The following MSH5 variants were observed in gnomAD, a reference collection of about 807,000 sequenced individuals.
MSH5 encodes mutS protein homolog 5.
In MSH5, 78 loss-of-function variants were observed where a neutral mutation model predicts 107.7. The ratio of observed to expected loss-of-function variants is 0.72; its 90% CI spans 0.60 to 0.87. MSH5 has a LOEUF of 0.87. Ranked by LOEUF, MSH5 falls within the 40% of genes least tolerant of loss-of-function variation. The pLI, the probability that MSH5 is intolerant of heterozygous loss-of-function variation, is 0.00. For missense variants in MSH5, 889 were observed against 1,046.6 expected, an observed-to-expected ratio of 0.85 and a Z score of 2.08; for synonymous variants, 326 against 399.5, an observed-to-expected ratio of 0.82 and a Z score of 2.19.
At chr6:31,743,584 A>G (rs1305702266) in intron 5 of MSH5, 3 of 454,406 alleles carry the variant, frequency 6.6e-6, no homozygotes, top group African/African-American at 2.0e-5. Context: ...CTAATTAGAT[A>G]TTAAGGCATT....
chr6:31,760,116 G>C lies in MSH5; in HGVS notation c.1712G>C (p.Arg571Pro). ...CATCCTCTGATGGAACTCTGTGCCCGAACCTTTGTGCCCAACTCCACAGAA... is the reference window on the plus strand; with the variant it reads ...CATCCTCTGATGGAACTCTGTGCCCCAACCTTTGTGCCCAACTCCACAGAA... Reference protein sequence around the residue: ...GRHPLMELCARTFVPNSTECG... With the variant: ...GRHPLMELCAPTFVPNSTECG... The change falls in exon 19 of 25, where the codon CGA becomes CCA. Residue 571 changes from arginine to proline, a missense_variant. Arg to Pro is a moderately radical substitution (Grantham distance 103, BLOSUM62 -2). Transcript: ENST00000375750. This position sits in a 1 kb window ranked among gnomAD's most constrained non-coding sequence, Gnocchi z 5.6. The C allele has an allele frequency of 6.2e-7, 1 of 1,606,176 alleles. No individual in the cohort carries two copies. Among genetic ancestry groups the C allele is most frequent in the Non-Finnish European group, 8.5e-7 (1 of 1,176,118 alleles).
chr6:31,744,696 C>A, intron 8 of MSH5, 115 bp downstream of exon 8: 1 of 1,152,002 alleles, frequency 8.7e-7, no homozygotes. Flanking sequence ...TAAGATCTCT[C>A]TCCTTGAAGG....
intron 3 of MSH5, among the ~76,000 whole-genome samples, chr6:31,741,795 T>C (rs1808938300): frequency 6.6e-6 from 1 of 151,732 alleles, no homozygotes; most frequent in African/African-American, 2.4e-5. Context: ...ATTTGGCTTA[T>C]GGTTCTGGAT....
At chr6:31,748,741 TATA>T (rs1809691550) in intron 10 of MSH5, among the ~76,000 whole-genome samples, 2 of 152,052 alleles carry the variant, frequency 1.3e-5, no homozygotes, top group African/African-American at 4.8e-5. Flanking sequence ...TCTTAAGCAG[TATA>T]ATGATGTTCA....
In MSH5 at chr6:31,758,268, A is replaced by G; in HGVS notation, c.1118A>G (p.His373Arg). 6.2e-7 allele frequency: 1 copy of G among 1,613,034 alleles called. No individual in the cohort carries two copies. The highest frequency in any genetic ancestry group is 8.5e-7 in the Non-Finnish European group (1 of 1,180,032). Residue 373 changes from histidine to arginine, a missense_variant, in exon 13 of 25, where the codon CAT becomes CGT. By Grantham distance (29) the His-to-Arg change is conservative. Transcript: ENST00000375750. The surrounding 1 kb of genome is among the most constrained non-coding windows in gnomAD (Gnocchi z 5.1). ...CAAGAGTTCTCTGATGACCTGCACC[A>G]TATCGCCAGCCTCATTGGGAAAGTA... ...IAQEFSDDLH[H>R]IASLIGKVVD...
chr6:31,746,609 C>T (rs1809488169), intron 9 of MSH5, among the ~76,000 whole-genome samples: 1 of 151,682 alleles, frequency 6.6e-6, no homozygotes, highest in Admixed American at 6.6e-5. Flanking sequence ...CCACCATGCC[C>T]AGCTAATTTT....
intron 10 of MSH5, among the ~76,000 whole-genome samples, chr6:31,748,576 T>TG (rs994392994): frequency 5.9e-5 from 9 of 151,852 alleles, no homozygotes; most frequent in Non-Finnish European, 1.3e-4. Context: ...CTCGAACTCC[T>TG]GGTGATCCGC....
At chr6:31,745,587 T>C (rs554883031) in intron 9 of MSH5, among the ~76,000 whole-genome samples, 3 of 152,226 alleles carry the variant, frequency 2.0e-5, no homozygotes, top group African/African-American at 7.2e-5. Context: ...ATGTTTCTAC[T>C]AGTTGGGTAC....
At chr6:31,753,733 C>T (rs1581542319) in intron 12 of MSH5, 104 bp downstream of exon 12, 36 of 860,032 alleles carry the variant, frequency 4.2e-5, no homozygotes, top group South Asian at 4.9e-5. Context: ...ATTCTACCCT[C>T]TTTTTTTTTT....
chr6:31,750,861 A>C (rs1809889423), intron 10 of MSH5, among the ~76,000 whole-genome samples: 1 of 152,216 alleles, frequency 6.6e-6, no homozygotes. Context: ...TGGCATCCTT[A>C]GTACTTGTTC....
Position 31,762,197 on chromosome 6 carries a change from G to GC in MSH5, c.2393+16dup. 1 of 1,613,730 alleles carries GC rather than the reference G, an allele frequency of 6.2e-7. No homozygotes were observed. Among genetic ancestry groups the GC allele is most frequent in the South Asian group, 1.1e-5 (1 of 91,070 alleles). On this transcript the variant is annotated intron_variant, in intron 24 of 24. Coordinates refer to ENST00000375750, the MANE Select transcript of MSH5 (RefSeq NM_172166.4). ...AACCAAATGGAAAAGTGCGTATATG[G>GC]CCCCAGTGTCTTTACCCTCTCTGCA...
rs1315794065 is a variant in MSH5, at chr6:31,762,532, G to C, written c.*1G>C. The C allele has an allele frequency of 6.2e-6, 10 of 1,609,300 alleles. No individual in the cohort carries two copies. In the Admixed American group the frequency reaches 1.7e-4, roughly 27 times the overall value. Reference sequence around the variant, plus strand: ...GCCTGCTGCCACCAGCATCCTCTGAGAGTCCTTCCAGTGTCCTCCCCAGCC... The same window carrying C: ...GCCTGCTGCCACCAGCATCCTCTGACAGTCCTTCCAGTGTCCTCCCCAGCC... On this transcript the variant is annotated 3_prime_UTR_variant, in exon 25 of 25. Transcript: ENST00000375750.
At position 31,761,403 on chromosome 6, in the gene MSH5, G is replaced by A; in HGVS notation, c.2038-69G>A. On this transcript the variant is annotated intron_variant, in intron 21 of 24. Coordinates refer to ENST00000375750, the MANE Select transcript of MSH5 (RefSeq NM_172166.4). This position sits in a 1 kb window ranked among gnomAD's most constrained non-coding sequence, Gnocchi z 5.3. ...GAAATAGAACACGAGACAGGGAAAG[G>A]CAGTGCAAGTGCAGAGGGGCATATG... is the stretch of plus-strand genomic sequence containing the variant. 6.2e-7 allele frequency: 1 copy of A among 1,606,246 alleles called. No individual in the cohort carries two copies. Among genetic ancestry groups the A allele is most frequent in the Non-Finnish European group, 8.5e-7 (1 of 1,175,810 alleles).
rs936923027 is a variant in MSH5, at chr6:31,759,500, T to C, written c.1483T>C (p.Cys495Arg). Residue 495 changes from cysteine to arginine, a missense_variant, in exon 17 of 25, where the codon TGC becomes CGC. Around this residue, in one of 3 missense-constraint regions of MSH5, gnomAD observed 362 missense variants for 456.2 expected, o/e 0.79. Transcript: ENST00000375750. This position sits in a 1 kb window ranked among gnomAD's most constrained non-coding sequence, Gnocchi z 4.7. ...ELDALLGDLHCEIRDQETLLM... is the reference protein window; with the variant it reads ...ELDALLGDLHREIRDQETLLM... ...GGATGCATTGCTGGGGGACCTGCAC[T>C]GCGAGATCCGGGGTGAGGAAAAGCC... The C allele has an allele frequency of 6.2e-7, 1 of 1,612,582 alleles. No homozygotes were observed. Among genetic ancestry groups the C allele is most frequent in the Non-Finnish European group, 8.5e-7 (1 of 1,179,976 alleles).
intron 5 of MSH5, 25 bp from the exon 6 acceptor site, chr6:31,743,879 C>G (rs1464504612): frequency 2.5e-6 from 4 of 1,611,376 alleles, no homozygotes; most frequent in Non-Finnish European, 3.4e-6. Flanking sequence ...CAAGACCGTT[C>G]CCTTTGCTTG....
chr6:31,741,308 C>T, intron 3 of MSH5, 22 bp downstream of exon 3: 3 of 1,582,684 alleles, frequency 1.9e-6, no homozygotes, highest in Non-Finnish European at 2.6e-6. Flanking sequence ...ACCATGAATT[C>T]CTCTGCTCTC....
At chr6:31,750,159 G>A (rs2151355043) in intron 10 of MSH5, among the ~76,000 whole-genome samples, 1 of 152,246 alleles carries the variant, frequency 6.6e-6, no homozygotes, top group Middle Eastern at 3.4e-3. Context: ...CATATAACTT[G>A]AAGAATCATC....
In MSH5 at chr6:31,758,953, A is replaced by G. The variant is rs1810708885; in HGVS notation, c.1326+78A>G. On this transcript the variant is annotated intron_variant, in intron 15 of 24. Transcript: ENST00000375750. The surrounding 1 kb of genome is among the most constrained non-coding windows in gnomAD (Gnocchi z 5.1). ...AGGCTTATGAAAGACATACTGGTAGATAAGAAAACTTGTGGGGCAGCCTGA... is the reference window on the plus strand; with the variant it reads ...AGGCTTATGAAAGACATACTGGTAGGTAAGAAAACTTGTGGGGCAGCCTGA... 3 of 1,453,970 alleles carry G rather than the reference A, an allele frequency of 2.1e-6. No individual in the cohort carries two copies. Among genetic ancestry groups the G allele is most frequent in the Non-Finnish European group, 2.9e-6 (3 of 1,036,578 alleles). The allele number at this position is 1,453,970 out of a possible 1,614,324, so 90.1% of individuals were successfully genotyped here.
chr6:31,761,921 G>A lies in MSH5; in HGVS notation c.2285G>A (p.Gly762Glu), dbSNP rs1268689405. 1 of 1,613,832 alleles carries A rather than the reference G, an allele frequency of 6.2e-7. No individual in the cohort carries two copies. The highest frequency in any genetic ancestry group is 1.1e-5 in the South Asian group (1 of 91,092). The change falls in exon 23 of 25, where the codon GGG becomes GAG. Residue 762 changes from glycine to glutamate, a missense_variant. Physicochemically the swap from Gly to Glu is moderately conservative, Grantham distance 98. Coordinates refer to ENST00000375750, the MANE Select transcript of MSH5 (RefSeq NM_172166.4). The surrounding 1 kb of genome is among the most constrained non-coding windows in gnomAD (Gnocchi z 5.3). ...SHASHTAAQA[G>E]LPDKLVARGK... ...GCCTCCCACACAGCTGCCCAGGCTG[G>A]GCTTCCTGACAAGCTTGTGGCTCGT...
Sources: allele counts gnomAD v4.1 joint callset (sites outside exome capture counted in the v4.1 genomes callset), GRCh38; gene constraint gnomAD v4.1.1; regional missense constraint gnomAD v4.1.1; non-coding constraint Gnocchi (gnomAD v3.1); transcripts MANE v1.5; gene names NCBI Gene and HGNC (gene_info 2026-07-23, HGNC 2026-07-21).